DUSP14: variants seen among roughly 807,000 people sequenced by gnomAD.
The protein encoded by DUSP14 is dual specificity protein phosphatase 14.
In DUSP14, 5 loss-of-function variants were observed where a neutral mutation model predicts 13.2. That is an observed-to-expected ratio of 0.38 (90% confidence interval 0.20 to 0.80). DUSP14 has a LOEUF of 0.80. DUSP14 is among the 30% of genes least tolerant of loss of function. The probability of loss-of-function intolerance (pLI) is 0.44; values close to 1 mark genes in which losing one functional copy is unlikely to be tolerated. For missense variants in DUSP14, 185 were observed against 264.0 expected (o/e 0.70, Z 2.07); for synonymous variants, 91 against 103.4 (o/e 0.88, Z 0.73).
At chr17:37,489,166 A>C (rs1436046613), upstream of DUSP14, among the ~76,000 whole-genome samples, 1 of 152,194 alleles carries the variant, frequency 6.6e-6, no homozygotes, top group African/African-American at 2.4e-5. Context: ...GTCACACAGC[A>C]AATGAGCCCT....
intron 1 of DUSP14, among the ~76,000 whole-genome samples, chr17:37,490,632 T>C (rs1445364149): frequency 6.6e-6 from 1 of 152,214 alleles, no homozygotes; most frequent in Non-Finnish European, 1.5e-5. Context: ...GCCAGTGTTA[T>C]GGTAACTGGG....
At chr17:37,507,338 C>CT in intron 1 of DUSP14, among the ~76,000 whole-genome samples, 1 of 152,196 alleles carries the variant, frequency 6.6e-6, no homozygotes. Context: ...GGCTCACAAT[C>CT]TGTTTTCCCT....
rs2054201964 is a variant in DUSP14 at position 37,512,879 on chromosome 17, A to C, written c.*10A>C. The C allele has an allele frequency of 1.3e-6, 2 of 1,587,426 alleles. No homozygotes were observed. The highest frequency in any genetic ancestry group is 1.7e-6 in the Non-Finnish European group (2 of 1,160,270). On this transcript the variant is annotated 3_prime_UTR_variant, in exon 3 of 3. Transcript: ENST00000617516. This position sits in a 1 kb window ranked among gnomAD's most constrained non-coding sequence, Gnocchi z 4.8. ...TTACTGGGGGATTTAGTGCCACTGAAGCCTGCGTCAGCAGCCCGAGCGGGG... is the reference window on the plus strand; with the variant it reads ...TTACTGGGGGATTTAGTGCCACTGACGCCTGCGTCAGCAGCCCGAGCGGGG...
chr17:37,510,252 G>C (rs980577749), intron 1 of DUSP14: 1 of 152,284 alleles, frequency 6.6e-6, no homozygotes, highest in African/African-American at 2.4e-5. Context: ...TGCTGCACCT[G>C]GCCTGTCCGT....
In DUSP14 at chr17:37,512,544, A is replaced by T; in HGVS notation, c.272A>T (p.Asp91Val). The T allele has an allele frequency of 2.5e-6, 4 of 1,614,156 alleles. No individual in the cohort carries two copies. The highest frequency in any genetic ancestry group is 3.4e-6 in the Non-Finnish European group (4 of 1,180,030). ...CATGCCCCCATTGGACTGTACTTTG[A>T]CACCGTGGCTGACAAGATCCACAGT... ...MPHAPIGLYFDTVADKIHSVS... is the reference protein window; with the variant it reads ...MPHAPIGLYFVTVADKIHSVS... Residue 91 changes from aspartate to valine, a missense_variant, in exon 3 of 3, where the codon GAC becomes GTC. Physicochemically the swap from Asp to Val is radical, Grantham distance 152. Coordinates refer to ENST00000617516, the MANE Select transcript of DUSP14 (RefSeq NM_007026.4). This position sits in a 1 kb window ranked among gnomAD's most constrained non-coding sequence, Gnocchi z 4.8.
At chr17:37,490,284 G>C (rs901697563) in intron 1 of DUSP14, among the ~76,000 whole-genome samples, 1 of 152,052 alleles carries the variant, frequency 6.6e-6, no homozygotes, top group African/African-American at 2.4e-5. Flanking sequence ...CCTCGGCCGC[G>C]CCTCCTCCGT....
intron 2 of DUSP14, among the ~76,000 whole-genome samples, chr17:37,511,938 C>CATTTTT (rs1568206074): frequency 2.6e-5 from 1 of 38,248 alleles, no homozygotes; most frequent in African/African-American, 1.0e-4. Context: ...CCCCACCCCA[C>CATTTTT]TTTTTTTTTT....
intron 1 of DUSP14, among the ~76,000 whole-genome samples, chr17:37,495,949 C>T (rs545035904): frequency 2.6e-3 from 394 of 152,200 alleles, no homozygotes; most frequent in Middle Eastern, 6.8e-3. Flanking sequence ...TGAGCCACCG[C>T]GCCCAGCCTG....
chr17:37,498,547 C>T lies in DUSP14; in HGVS notation c.-181+8589C>T, dbSNP rs542433808. ...TTCACCGTGTTAGCCAGGATGGTCT[C>T]GATCTCCTGACCTCGTGATCCACCT... On this transcript the variant is annotated intron_variant, in intron 1 of 2. Coordinates refer to ENST00000617516, the MANE Select transcript of DUSP14 (RefSeq NM_007026.4). 5.3e-5 allele frequency among the ~76,000 whole-genome samples: 8 copies of T among 151,896 alleles called. No individual in the cohort carries two copies. In the South Asian group the frequency reaches 6.2e-4, roughly 12 times the overall value.
intron 1 of DUSP14, chr17:37,509,952 G>T (rs1597974446): frequency 6.6e-6 from 1 of 152,118 alleles, no homozygotes; most frequent in Non-Finnish European, 1.5e-5. Flanking sequence ...AAAGGTGGGG[G>T]AACAGGTGGT....
chr17:37,506,570 C>A (rs749802888), intron 1 of DUSP14, among the ~76,000 whole-genome samples: 23 of 152,100 alleles, frequency 1.5e-4, no homozygotes, highest in Admixed American at 1.2e-3. Flanking sequence ...ATTTGTGATC[C>A]CTCAAATACG....
At chr17:37,504,193 CAAACAA>C (rs1372418617) in intron 1 of DUSP14, among the ~76,000 whole-genome samples, 1 of 152,140 alleles carries the variant, frequency 6.6e-6, no homozygotes, top group Non-Finnish European at 1.5e-5. Context: ...GACACCATCT[CAAACAA>C]AAACAAAAAC....
At chr17:37,503,878 C>T (rs563421474) in intron 1 of DUSP14, among the ~76,000 whole-genome samples, 2 of 152,160 alleles carry the variant, frequency 1.3e-5, no homozygotes, top group East Asian at 1.9e-4. Flanking sequence ...GTGGCATATC[C>T]CAGCAGCTGG....
intron 1 of DUSP14, among the ~76,000 whole-genome samples, chr17:37,495,234 C>G (rs1743749351): frequency 1.3e-5 from 2 of 152,202 alleles, no homozygotes; most frequent in African/African-American, 4.8e-5. Context: ...GCTGAGATCA[C>G]AGCCATGCCC....
chr17:37,513,109 T>C lies in DUSP14; in HGVS notation c.*240T>C. The C allele has an allele frequency of 1.9e-6, 1 of 535,660 alleles. No homozygotes were observed. Among genetic ancestry groups the C allele is most frequent in the Non-Finnish European group, 3.4e-6 (1 of 296,656 alleles). 33.2% of individuals were successfully genotyped at this position (535,660 alleles called of 1,614,324 possible). On this transcript the variant is annotated 3_prime_UTR_variant, in exon 3 of 3. Transcript: ENST00000617516. Reference sequence around the variant, plus strand: ...AATAGTGTTTATGGAAATCTTTAGCTTTTAATCATTTTTACCAATTTGAAC... The same window carrying C: ...AATAGTGTTTATGGAAATCTTTAGCCTTTAATCATTTTTACCAATTTGAAC...
intron 1 of DUSP14, among the ~76,000 whole-genome samples, chr17:37,504,523 G>C (rs1392218909): frequency 6.6e-6 from 1 of 152,190 alleles, no homozygotes. Flanking sequence ...AAGATGTTGA[G>C]ATGTTTTACC....
intron 1 of DUSP14, among the ~76,000 whole-genome samples, chr17:37,496,698 A>G (rs925030842): frequency 2.0e-5 from 3 of 152,104 alleles, no homozygotes; most frequent in Non-Finnish European, 4.4e-5. Context: ...GGTTCAAGTG[A>G]GCCAAGATCA....
At chr17:37,506,645 C>G (rs2143104824) in intron 1 of DUSP14, among the ~76,000 whole-genome samples, 1 of 152,314 alleles carries the variant, frequency 6.6e-6, no homozygotes, top group African/African-American at 2.4e-5. Context: ...AGTAGATTTT[C>G]ATGCACCTGT....
chr17:37,508,345 G>A (rs990305813), intron 1 of DUSP14, among the ~76,000 whole-genome samples: 1 of 152,252 alleles, frequency 6.6e-6, no homozygotes, highest in African/African-American at 2.4e-5. Context: ...GGAATCAGAA[G>A]CTGGGGAAAG....
Sources: allele counts gnomAD v4.1 joint callset (sites outside exome capture counted in the v4.1 genomes callset), GRCh38; gene constraint gnomAD v4.1.1; non-coding constraint Gnocchi (gnomAD v3.1); transcripts MANE v1.5; gene names NCBI Gene and HGNC (gene_info 2026-07-23, HGNC 2026-07-21).